The following NRF1 variants were observed in gnomAD, a reference collection of about 807,000 sequenced individuals.
NRF1 encodes the protein nuclear respiratory factor 1, also known as alpha palindromic-binding protein.
NRF1 carries 5 observed loss-of-function variants against 58.5 expected under a neutral mutation model. That is an observed-to-expected ratio of 0.09 (90% CI 0.04 to 0.18). The LOEUF (loss-of-function observed/expected upper bound fraction) is 0.18. Ranked by LOEUF, NRF1 falls within the 10% of genes least tolerant of loss-of-function variation. The pLI is 1.00. For synonymous variants in NRF1, 224 were observed against 246.7 expected, an observed-to-expected ratio of 0.91 and a Z score of 0.86; for missense variants, 288 against 657.7, an observed-to-expected ratio of 0.44 and a Z score of 6.15.
rs755871532 is a variant in NRF1, at chr7:129,741,406, G to A, written c.1349-13612G>A. Reference sequence around the variant, plus strand: ...TCTTTGTATGTAAAGGCAGATTTTGGTCTTAGATTATTCCAGCTCCTTATA... The same window carrying A: ...TCTTTGTATGTAAAGGCAGATTTTGATCTTAGATTATTCCAGCTCCTTATA... On this transcript the variant is annotated intron_variant, in intron 10 of 10. Coordinates refer to ENST00000393232, the MANE Select transcript of NRF1 (RefSeq NM_005011.5). This position sits in a 1 kb window ranked among gnomAD's most constrained non-coding sequence, Gnocchi z 4.0. Among the ~76,000 whole-genome samples, 1 of 152,102 alleles carries A rather than the reference G, an allele frequency of 6.6e-6. No homozygotes were observed. The highest frequency in any genetic ancestry group is 1.5e-5 in the Non-Finnish European group (1 of 68,030).
At chr7:129,617,030 A>C (rs993868505) in intron 1 of NRF1, among the ~76,000 whole-genome samples, 1 of 152,194 alleles carries the variant, frequency 6.6e-6, no homozygotes, top group Non-Finnish European at 1.5e-5. Context: ...TGCATTGTTT[A>C]ATATGCATTG....
At chr7:129,617,347 A>C (rs1486851734) in intron 1 of NRF1, among the ~76,000 whole-genome samples, 1 of 152,222 alleles carries the variant, frequency 6.6e-6, no homozygotes, top group Admixed American at 6.5e-5. Flanking sequence ...CTAAACCTAC[A>C]AAGAACAAGG....
chr7:129,738,413 T>C (rs766202796), intron 10 of NRF1, among the ~76,000 whole-genome samples: 5 of 152,190 alleles, frequency 3.3e-5, no homozygotes, highest in African/African-American at 4.8e-5. Flanking sequence ...TCTTAGTGTC[T>C]TCCACACGCC....
In NRF1 at chr7:129,711,475, G is replaced by A. The variant is rs759258832; in HGVS notation, c.964G>A (p.Val322Ile). Residue 322 changes from valine to isoleucine, a missense_variant and splice_region_variant, in exon 8 of 11, where the codon GTT becomes ATT. This residue lies in a region of NRF1 where 212 missense variants were observed against 559.7 expected (regional missense o/e 0.38). Transcript: ENST00000393232. Reference protein sequence around the residue: ...NPDGTVSLIQVGTGATVATLA... With the variant: ...NPDGTVSLIQIGTGATVATLA... ...AACCACTTTCCATATTTTTCTTTAG[G>A]TTGGTACGGGGGCAACAGTAGCCAC... 1 of 1,608,374 alleles carries A rather than the reference G, an allele frequency of 6.2e-7. No individual in the cohort carries two copies. The highest frequency in any genetic ancestry group is 1.1e-5 in the South Asian group (1 of 89,776).
At chr7:129,639,899 A>G (rs1311690004) in intron 1 of NRF1, among the ~76,000 whole-genome samples, 2 of 152,200 alleles carry the variant, frequency 1.3e-5, no homozygotes, top group Non-Finnish European at 2.9e-5. Context: ...TCTACTGAAA[A>G]TGGGAATGGA....
chr7:129,653,444 G>A (rs1285809446), intron 1 of NRF1, among the ~76,000 whole-genome samples: 2 of 152,044 alleles, frequency 1.3e-5, no homozygotes, highest in African/African-American at 4.8e-5. Context: ...AGCCCACATT[G>A]ACACGTCATT....
At chr7:129,698,290 CTTCTT>C (rs987649802) in intron 5 of NRF1, among the ~76,000 whole-genome samples, 104 of 131,962 alleles carry the variant, frequency 7.9e-4, no homozygotes, top group African/African-American at 2.8e-3. Flanking sequence ...TTTTTAGTCT[CTTCTT>C]TTGGTGCCAT....
At chr7:129,699,454 C>T (rs1434630517) in intron 5 of NRF1, among the ~76,000 whole-genome samples, 2 of 152,100 alleles carry the variant, frequency 1.3e-5, no homozygotes, top group African/African-American at 4.8e-5. Context: ...TGGCTCATGC[C>T]TGTAATACCA....
intron 9 of NRF1, among the ~76,000 whole-genome samples, chr7:129,723,036 C>T (rs530456229): frequency 1.3e-5 from 2 of 152,344 alleles, no homozygotes; most frequent in African/African-American, 4.8e-5. Flanking sequence ...CATAAAGTCT[C>T]AGGTCACAGC....
chr7:129,649,410 T>G (rs1249844232), intron 1 of NRF1, among the ~76,000 whole-genome samples: 1 of 152,224 alleles, frequency 6.6e-6, no homozygotes, highest in Non-Finnish European at 1.5e-5. Flanking sequence ...TGCTATTGAT[T>G]AGACTAATGC....
At chr7:129,622,339 A>C (rs1800818313) in intron 1 of NRF1, among the ~76,000 whole-genome samples, 1 of 152,096 alleles carries the variant, frequency 6.6e-6, no homozygotes, top group South Asian at 2.1e-4. Flanking sequence ...CTTTTTCCCC[A>C]TTTGAAAAAT....
At chr7:129,661,055 T>C (rs1801769441) in intron 2 of NRF1, among the ~76,000 whole-genome samples, 1 of 151,350 alleles carries the variant, frequency 6.6e-6, no homozygotes, top group Admixed American at 6.5e-5. Flanking sequence ...AACACCTTTG[T>C]GGAAGCTGCT....
intron 10 of NRF1, among the ~76,000 whole-genome samples, chr7:129,746,512 C>T (rs1023280829): frequency 1.3e-5 from 2 of 152,130 alleles, no homozygotes; most frequent in African/African-American, 2.4e-5. Flanking sequence ...TTTCCTTAGA[C>T]GTCAGCCACT....
rs1176246998 is a variant in NRF1, at chr7:129,657,413, C to T, written c.62C>T (p.Ala21Val). 2 of 1,613,960 alleles carry T rather than the reference C, an allele frequency of 1.2e-6. No individual in the cohort carries two copies. Among genetic ancestry groups the T allele is most frequent in the Non-Finnish European group, 1.7e-6 (2 of 1,180,020 alleles). The change falls in exon 2 of 11, where the codon GCC becomes GTC. Residue 21 changes from alanine (A) to valine (V), a missense_variant. By Grantham distance (64) the Ala-to-Val change is moderately conservative. Transcript: ENST00000393232. Reference protein sequence around the residue: ...HMATIEAHAVAQQVQQVHVAT... With the variant: ...HMATIEAHAVVQQVQQVHVAT... ...GCTACCATAGAAGCACATGCAGTGG[C>T]CCAGCAAGTGCAGCAGGTCCATGTG...
At chr7:129,740,243 A>T (rs1169994905) in intron 10 of NRF1, among the ~76,000 whole-genome samples, 1 of 152,102 alleles carries the variant, frequency 6.6e-6, no homozygotes. Flanking sequence ...CTATAGTCCT[A>T]CTCTCTTTAC....
chr7:129,622,632 C>T (rs1216896902), intron 1 of NRF1, among the ~76,000 whole-genome samples: 1 of 149,096 alleles, frequency 6.7e-6, no homozygotes, highest in Non-Finnish European at 1.5e-5. Flanking sequence ...TGCAGTGGCA[C>T]AATCTTGGCT....
chr7:129,625,438 C>T (rs908522569), intron 1 of NRF1, among the ~76,000 whole-genome samples: 1 of 152,074 alleles, frequency 6.6e-6, no homozygotes, highest in African/African-American at 2.4e-5. Context: ...AGTTTGCAAC[C>T]TTGAGCATGT....
At chr7:129,662,744 A>G (rs1801814509) in intron 2 of NRF1, among the ~76,000 whole-genome samples, 1 of 151,866 alleles carries the variant, frequency 6.6e-6, no homozygotes, top group Non-Finnish European at 1.5e-5. Flanking sequence ...TTTAAGGTTT[A>G]TTTATTTATT....
chr7:129,669,662 A>T (rs1197344551), intron 2 of NRF1, among the ~76,000 whole-genome samples: 1 of 152,234 alleles, frequency 6.6e-6, no homozygotes, highest in African/African-American at 2.4e-5. Flanking sequence ...AACAGGTTAG[A>T]TGCTCAACTA....
Sources: gnomAD v4.1 joint callset for allele counts (sites outside exome capture counted in the v4.1 genomes callset) on GRCh38, gnomAD v4.1.1 for gene constraint, gnomAD v4.1.1 regional missense constraint, Gnocchi (gnomAD v3.1) non-coding constraint, MANE v1.5 for transcripts, NCBI Gene and HGNC (gene_info 2026-07-23, HGNC 2026-07-21) for gene names.